Variants in UBE3C observed in about 807,000 individuals in gnomAD.
The protein encoded by UBE3C is ubiquitin-protein ligase E3C.
UBE3C carries 42 observed loss-of-function variants against 129.4 expected under a neutral mutation model. The ratio of observed to expected loss-of-function variants is 0.32; its 90% CI spans 0.25 to 0.42. The LOEUF (loss-of-function observed/expected upper bound fraction) is 0.42. Ranked by LOEUF, UBE3C falls within the 10% of genes least tolerant of loss-of-function variation. The pLI is 1.00. For synonymous variants in UBE3C, 510 were observed against 492.4 expected (o/e 1.04, Z -0.47); for missense variants, 1,049 against 1,319.1 (o/e 0.80, Z 3.17).
In UBE3C at chr7:157,139,277, T is replaced by C; in HGVS notation, c.5T>C (p.Phe2Ser). 6.3e-7 allele frequency: 1 copy of C among 1,578,372 alleles called. No homozygotes were observed. Among genetic ancestry groups the C allele is most frequent in the Non-Finnish European group, 8.6e-7 (1 of 1,169,352 alleles). M[F>S]SFEGDFKTRP... Reference sequence around the variant, plus strand: ...CACATGGGCTAGGCTGCCAGGATGTTCAGCTTCGAAGGCGACTTCAAGACG... The same window carrying C: ...CACATGGGCTAGGCTGCCAGGATGTCCAGCTTCGAAGGCGACTTCAAGACG... The change falls in exon 1 of 23, where the codon TTC (phenylalanine) becomes TCC (serine). Residue 2 changes from phenylalanine to serine, a missense_variant. Transcript: ENST00000348165.
Position 157,178,682 on chromosome 7 carries a change from T to C in UBE3C, c.459-8T>C, listed in dbSNP as rs199836750. 3,613 of 1,611,542 alleles carry C rather than the reference T, an allele frequency of 2.2e-3. 75 individuals are homozygous for C. The South Asian group carries it at 0.027, about 12-fold the overall frequency. Reference sequence around the variant, plus strand: ...GTAAGTGTGTGAATACTTTTTTCATTTTTACAGGTTGCTGCAAAACTGTAA... The same window carrying C: ...GTAAGTGTGTGAATACTTTTTTCATCTTTACAGGTTGCTGCAAAACTGTAA... On this transcript the variant is annotated splice_polypyrimidine_tract_variant and splice_region_variant and intron_variant, in intron 5 of 22. Coordinates refer to ENST00000348165, the MANE Select transcript of UBE3C (RefSeq NM_014671.3).
At chr7:157,175,126 G>A in intron 5 of UBE3C, 92 bp downstream of exon 5, 2 of 573,040 alleles carry the variant, frequency 3.5e-6, no homozygotes, top group Non-Finnish European at 4.8e-6. Flanking sequence ...AGAGACAGTG[G>A]CTTTTCCATA....
Position 157,215,520 on chromosome 7 carries a change from CTATAA to C in UBE3C, c.1810-1341_1810-1337del, listed in dbSNP as rs1005812715. Reference sequence around the variant, plus strand: ...ATAGTATATATTATACAATTTATAACTATAATATAAATTATATAAATTAGTATATA... The same window carrying C: ...ATAGTATATATTATACAATTTATAACTATAAATTATATAAATTAGTATATA... On this transcript the variant is annotated intron_variant, in intron 13 of 22. Coordinates refer to ENST00000348165, the MANE Select transcript of UBE3C (RefSeq NM_014671.3). Among the ~76,000 whole-genome samples the C allele has an allele frequency of 4.0e-4, 58 of 146,216 alleles. No homozygotes were observed. In the East Asian group the frequency reaches 0.011, roughly 27 times the overall value.
intron 2 of UBE3C, among the ~76,000 whole-genome samples, chr7:157,164,259 G>A (rs935947707): frequency 6.6e-6 from 1 of 151,758 alleles, no homozygotes; most frequent in Non-Finnish European, 1.5e-5. Context: ...TCCTGGGCTC[G>A]GTGATCTTCC....
chr7:157,207,278 A>G, intron 11 of UBE3C, 120 bp from the exon 12 acceptor site: 1 of 1,382,174 alleles, frequency 7.2e-7, no homozygotes, highest in Non-Finnish European at 9.8e-7. Context: ...AAATAGTTTA[A>G]TTCCTAATGC....
At chr7:157,169,171 T>C in intron 3 of UBE3C, 49 bp downstream of exon 3, 2 of 1,448,424 alleles carry the variant, frequency 1.4e-6, no homozygotes, top group Non-Finnish European at 1.9e-6. Context: ...GGAGAGCTTA[T>C]TTTAAATATG....
At chr7:157,170,278 G>C (rs778128485) in intron 3 of UBE3C, 26 bp from the exon 4 acceptor site, 8 of 1,448,962 alleles carry the variant, frequency 5.5e-6, no homozygotes, top group African/African-American at 1.5e-5. Context: ...ATATTTATGG[G>C]TCATTTTGTT....
At chr7:157,202,788 A>G (rs1809327331) in intron 11 of UBE3C, among the ~76,000 whole-genome samples, 1 of 152,258 alleles carries the variant, frequency 6.6e-6, no homozygotes, top group Non-Finnish European at 1.5e-5. Flanking sequence ...TAGTAGTGAT[A>G]ATAGCAGTCA....
chr7:157,245,454 T>A (rs974694449), intron 18 of UBE3C, among the ~76,000 whole-genome samples: 2 of 152,252 alleles, frequency 1.3e-5, no homozygotes, highest in Non-Finnish European at 2.9e-5. Context: ...TGATGCCGTT[T>A]ATCAGTGCTC....
intron 16 of UBE3C, among the ~76,000 whole-genome samples, chr7:157,223,781 G>A (rs1468443145): frequency 1.3e-5 from 2 of 152,070 alleles, no homozygotes; most frequent in Non-Finnish European, 2.9e-5. Context: ...TTAGTTGGGC[G>A]TGGTGGCATG....
chr7:157,195,737 T>A (rs547747413), intron 10 of UBE3C, among the ~76,000 whole-genome samples: 1 of 152,244 alleles, frequency 6.6e-6, no homozygotes, highest in East Asian at 1.9e-4. Flanking sequence ...GACTTTTGAG[T>A]TGGTGAGACT....
rs369233574 is a variant in UBE3C, at chr7:157,181,668, C to T, written c.767C>T (p.Ala256Val). 125 of 1,612,578 alleles carry T rather than the reference C, an allele frequency of 7.8e-5. No homozygotes were observed. The highest frequency in any genetic ancestry group is 4.7e-4 in the Admixed American group (28 of 59,626). Residue 256 changes from alanine to valine, a missense_variant, in exon 7 of 23, where the codon GCG becomes GTG. By Grantham distance (64) the Ala-to-Val change is moderately conservative. Transcript: ENST00000348165. ...HFTYNSCPEG[A>V]RQQVFTAFTE... ...ACTTACAACTCCTGTCCGGAAGGTGCGAGGTGAGACTGGAATGGATTTATT... is the reference window on the plus strand; with the variant it reads ...ACTTACAACTCCTGTCCGGAAGGTGTGAGGTGAGACTGGAATGGATTTATT...
At chr7:157,153,823 AAAAC>A (rs112301421) in intron 1 of UBE3C, among the ~76,000 whole-genome samples, 108 of 150,490 alleles carry the variant, frequency 7.2e-4, no homozygotes, top group Non-Finnish European at 7.1e-4. Flanking sequence ...CTAAAAATAC[AAAAC>A]AAACAAACAA....
intron 10 of UBE3C, 112 bp from the exon 11 acceptor site, chr7:157,201,609 A>G: frequency 2.7e-6 from 2 of 738,776 alleles, no homozygotes; most frequent in Non-Finnish European, 4.0e-6. Context: ...GAGATTTGCT[A>G]AATTGTACGT....
intron 17 of UBE3C, among the ~76,000 whole-genome samples, chr7:157,226,455 C>G (rs1298160325): frequency 6.6e-6 from 1 of 152,130 alleles, no homozygotes; most frequent in Non-Finnish European, 1.5e-5. Flanking sequence ...CCATGTTGGT[C>G]AATGCCGAGG....
intron 1 of UBE3C, chr7:157,139,953 C>T (rs1435588607): frequency 3.0e-6 from 3 of 983,746 alleles, no homozygotes; most frequent in Non-Finnish European, 3.6e-6. Context: ...TGCCACCAGC[C>T]TCCTGGAAAC....
At chr7:157,149,566 C>G (rs139582619) in intron 1 of UBE3C, among the ~76,000 whole-genome samples, 501 of 152,202 alleles carry the variant, frequency 3.3e-3, no homozygotes, top group Non-Finnish European at 3.6e-3. Flanking sequence ...GAGTGAGTGC[C>G]TCCTTAAATT....
At chr7:157,253,465 G>T (rs1328389875) in intron 19 of UBE3C, among the ~76,000 whole-genome samples, 2 of 152,190 alleles carry the variant, frequency 1.3e-5, no homozygotes, top group African/African-American at 4.8e-5. Context: ...ACCACCCTTT[G>T]TATCGTAATT....
At chr7:157,163,279 T>C (rs974890180) in intron 1 of UBE3C, among the ~76,000 whole-genome samples, 8 of 149,320 alleles carry the variant, frequency 5.4e-5, no homozygotes, top group South Asian at 2.1e-4. Flanking sequence ...CCCAGCTACT[T>C]GGGAGGCTGA....
Sources: gnomAD v4.1 joint callset for allele counts (sites outside exome capture counted in the v4.1 genomes callset) on GRCh38, gnomAD v4.1.1 for gene constraint, MANE v1.5 for transcripts, NCBI Gene and HGNC (gene_info 2026-07-23, HGNC 2026-07-21) for gene names.